RBFOX1: variants seen among roughly 807,000 people sequenced by gnomAD.
RBFOX1 encodes RNA binding fox-1 homolog 1, also known as RNA binding protein fox-1 homolog 1.
In RBFOX1, 8 loss-of-function variants were observed where a neutral mutation model predicts 57.7. The ratio of observed to expected loss-of-function variants is 0.14; its 90% CI spans 0.08 to 0.25. RBFOX1 has a LOEUF of 0.25. Ranked by LOEUF, RBFOX1 falls within the 10% of genes least tolerant of loss-of-function variation. The probability of loss-of-function intolerance (pLI) is 1.00; values close to 1 mark genes in which losing one functional copy is unlikely to be tolerated. For synonymous variants in RBFOX1, 326 were observed against 222.4 expected (o/e 1.47, Z -4.15); for missense variants, 611 against 548.5 (o/e 1.11, Z -1.14).
chr16:6,665,254 T>A (rs1022356135), intron 3 of RBFOX1, among the ~76,000 whole-genome samples: 6 of 152,064 alleles, frequency 3.9e-5, no homozygotes, highest in Admixed American at 2.6e-4. Flanking sequence ...GTCCCTCTTG[T>A]TTGTCTTCCC....
chr16:7,479,991 A>G (rs1282526295), intron 4 of RBFOX1, among the ~76,000 whole-genome samples: 5 of 152,212 alleles, frequency 3.3e-5, no homozygotes. Flanking sequence ...AGGCCGACGT[A>G]TAGGTGCCAG....
At chr16:5,401,806 C>T (rs1010477906) in intron 1 of RBFOX1, among the ~76,000 whole-genome samples, 3 of 151,740 alleles carry the variant, frequency 2.0e-5, no homozygotes, top group South Asian at 2.1e-4. Context: ...TTCTCCTCCT[C>T]CTTCTCCTTC....
intron 1 of RBFOX1, among the ~76,000 whole-genome samples, chr16:5,361,762 C>T (rs1332958292): frequency 6.6e-6 from 1 of 152,188 alleles, no homozygotes; most frequent in Non-Finnish European, 1.5e-5. Context: ...CTTGCTCAGG[C>T]CACCCAGCTG....
rs573999434 is a variant in RBFOX1, at chr16:6,210,820, C to G, written c.-126-106175C>G. ...GCCTGATTCTTCAAAGACATGGGCA[C>G]AGACTTGTCAGCTCCAGGCAGTCCT... On this transcript the variant is annotated intron_variant, in intron 1 of 15. Transcript: ENST00000550418. Among the ~76,000 whole-genome samples the G allele has an allele frequency of 2.0e-4, 30 of 152,314 alleles. No individual in the cohort carries two copies. In the South Asian group the frequency reaches 4.8e-3, roughly 24 times the overall value.
intron 3 of RBFOX1, among the ~76,000 whole-genome samples, chr16:5,633,119 A>G (rs541943384): frequency 6.6e-6 from 1 of 151,858 alleles, no homozygotes; most frequent in Non-Finnish European, 1.5e-5. Flanking sequence ...TTGTATTTTT[A>G]ATAGAGACGG....
At chr16:7,592,252 T>A (rs11077202) in intron 7 of RBFOX1, among the ~76,000 whole-genome samples, 2 of 152,042 alleles carry the variant, frequency 1.3e-5, no homozygotes, top group Non-Finnish European at 2.9e-5. Flanking sequence ...TGTATTCTCT[T>A]TGCTTAAAAA....
chr16:7,106,984 A>AACACACACACACACACACAC (rs61104403), intron 4 of RBFOX1, among the ~76,000 whole-genome samples: 9 of 148,512 alleles, frequency 6.1e-5, no homozygotes, highest in African/African-American at 1.7e-4. Context: ...ACACAGTTAA[A>AACACACACACACACACACAC]ACACACACAC....
At chr16:5,893,222 A>T (rs2058086720) in intron 4 of RBFOX1, among the ~76,000 whole-genome samples, 1 of 152,228 alleles carries the variant, frequency 6.6e-6, no homozygotes, top group Non-Finnish European at 1.5e-5. Flanking sequence ...TGAATGCCCA[A>T]CACATAATTT....
At chr16:5,242,324 GT>G in intron 1 of RBFOX1, among the ~76,000 whole-genome samples, 1 of 152,278 alleles carries the variant, frequency 6.6e-6, no homozygotes, top group South Asian at 2.1e-4. Flanking sequence ...AACCATCCTT[GT>G]TTCCTGAATC....
chr16:5,526,763 T>C (rs571629529), intron 2 of RBFOX1, among the ~76,000 whole-genome samples: 41 of 152,320 alleles, frequency 2.7e-4, no homozygotes, highest in African/African-American at 9.6e-4. Flanking sequence ...GTAAAGTACG[T>C]GACCTACTGC....
intron 3 of RBFOX1, among the ~76,000 whole-genome samples, chr16:6,655,542 C>A (rs150142463): frequency 2.0e-5 from 3 of 152,110 alleles, no homozygotes; most frequent in Admixed American, 6.5e-5. Context: ...TTCTTTGCTA[C>A]ACTTAATGTG....
intron 3 of RBFOX1, among the ~76,000 whole-genome samples, chr16:6,913,466 C>T (rs1320643617): frequency 6.6e-6 from 1 of 152,144 alleles, no homozygotes; most frequent in African/African-American, 2.4e-5. Context: ...GAGCATGTTG[C>T]CATCGGCCTT....
intron 1 of RBFOX1, among the ~76,000 whole-genome samples, chr16:6,157,702 C>G (rs1029402836): frequency 1.3e-4 from 20 of 151,962 alleles, no homozygotes; most frequent in African/African-American, 4.8e-4. Flanking sequence ...AAAATGCATA[C>G]ATAATTATAT....
intron 3 of RBFOX1, among the ~76,000 whole-genome samples, chr16:5,657,654 T>A (rs1410423030): frequency 7.6e-6 from 1 of 131,012 alleles, no homozygotes; most frequent in Non-Finnish European, 1.6e-5. Context: ...CTTTCTTTCT[T>A]TTCTTTTCTT....
chr16:5,782,758 T>C (rs1000687935), intron 3 of RBFOX1, among the ~76,000 whole-genome samples: 1 of 152,164 alleles, frequency 6.6e-6, no homozygotes, highest in Non-Finnish European at 1.5e-5. Context: ...ATCTGGAGAC[T>C]CATGAAAACA....
intron 4 of RBFOX1, among the ~76,000 whole-genome samples, chr16:7,251,520 C>A (rs4426365): frequency 0.3 from 45,172 of 150,034 alleles, 7,333 homozygotes; most frequent in Middle Eastern, 0.47. Context: ...AAGTGATTTT[C>A]CTGCCTCAGA....
chr16:6,452,546 A>G (rs915927942), intron 2 of RBFOX1, among the ~76,000 whole-genome samples: 2 of 152,224 alleles, frequency 1.3e-5, no homozygotes, highest in Admixed American at 6.5e-5. Flanking sequence ...AGCATCTACC[A>G]GGGATGTACC....
At chr16:5,583,092 T>G (rs1596341289) in intron 2 of RBFOX1, among the ~76,000 whole-genome samples, 2 of 152,316 alleles carry the variant, frequency 1.3e-5, no homozygotes, top group African/African-American at 4.8e-5. Context: ...GAGCCTGACT[T>G]TGAACCCTGG....
At chr16:5,751,078 A>G (rs9923242) in intron 3 of RBFOX1, among the ~76,000 whole-genome samples, 40,671 of 152,068 alleles carry the variant, frequency 0.27, 6,142 homozygotes, top group East Asian at 0.61. Context: ...TCTGACCTGA[A>G]GAGATCTGCC....
Sources: gnomAD v4.1 joint callset for allele counts (sites outside exome capture counted in the v4.1 genomes callset) on GRCh38, gnomAD v4.1.1 for gene constraint, MANE v1.5 for transcripts, NCBI Gene and HGNC (gene_info 2026-07-23, HGNC 2026-07-21) for gene names.